Variants in DLGAP2 observed in about 807,000 individuals in gnomAD.
The protein encoded by DLGAP2 is disks large-associated protein 2.
DLGAP2 carries 26 observed loss-of-function variants against 100.3 expected under a neutral mutation model. The ratio of observed to expected loss-of-function variants is 0.26; its 90% CI spans 0.19 to 0.36. The LOEUF (loss-of-function observed/expected upper bound fraction) is 0.36, where lower values mean the gene tolerates loss of function less well. Ranked by LOEUF, DLGAP2 falls within the 10% of genes least tolerant of loss-of-function variation. DLGAP2 has a pLI of 1.00. For missense variants in DLGAP2, 1,858 were observed against 1,453.2 expected (o/e 1.28, Z -4.53); for synonymous variants, 886 against 630.1 (o/e 1.41, Z -6.08).
chr8:1,188,053 C>A (rs35364096), intron 2 of DLGAP2, among the ~76,000 whole-genome samples: 13 of 116,564 alleles, frequency 1.1e-4, no homozygotes, highest in African/African-American at 5.2e-4. Flanking sequence ...CACGGAATCT[C>A]ACACACCCGG....
At chr8:1,108,761 G>A (rs1804859713) in intron 2 of DLGAP2, among the ~76,000 whole-genome samples, 1 of 140,242 alleles carries the variant, frequency 7.1e-6, no homozygotes, top group South Asian at 2.4e-4. Flanking sequence ...GGGTCTGTGA[G>A]GTGTGCACGT....
intron 3 of DLGAP2, among the ~76,000 whole-genome samples, chr8:1,467,752 G>T (rs533740474): frequency 6.6e-6 from 1 of 152,156 alleles, no homozygotes; most frequent in Non-Finnish European, 1.5e-5. Context: ...CAGTAAGGGG[G>T]GCAGAGTGGC....
At chr8:763,044 A>C (rs546485456) in intron 1 of DLGAP2, among the ~76,000 whole-genome samples, 5 of 151,750 alleles carry the variant, frequency 3.3e-5, no homozygotes, top group Admixed American at 1.3e-4. Context: ...ATACTTCACG[A>C]GTTATTCAAA....
At chr8:1,322,321 G>A (rs1210028530) in intron 3 of DLGAP2, among the ~76,000 whole-genome samples, 1 of 152,194 alleles carries the variant, frequency 6.6e-6, no homozygotes, top group Non-Finnish European at 1.5e-5. Flanking sequence ...AACTTAAAAT[G>A]TTCATTCTTT....
At chr8:1,137,737 T>A (rs1182389529) in intron 2 of DLGAP2, 2 of 152,236 alleles carry the variant, frequency 1.3e-5, no homozygotes, top group Non-Finnish European at 2.9e-5. Flanking sequence ...ATATTTTTCA[T>A]TAAAAAAATG....
At chr8:1,645,088 G>A (rs1207231704) in intron 8 of DLGAP2, among the ~76,000 whole-genome samples, 2 of 152,230 alleles carry the variant, frequency 1.3e-5, no homozygotes, top group African/African-American at 2.4e-5. Flanking sequence ...GCAAGACCAT[G>A]TCTCTAATGA....
rs148250502 is a variant in DLGAP2, at chr8:1,004,347, C to T, written c.73+96381C>T. Among the ~76,000 whole-genome samples, 36 of 152,322 alleles carry T rather than the reference C, an allele frequency of 2.4e-4. No individual in the cohort carries two copies. In the East Asian group the frequency reaches 6.6e-3, roughly 28 times the overall value. On this transcript the variant is annotated intron_variant, in intron 2 of 14. Coordinates refer to ENST00000637795, the MANE Select transcript of DLGAP2 (RefSeq NM_001346810.2). ...CCACTTTAATTTTGTCTTTTATCTT[C>T]ATAAATTTGGTAAGCTACAGTGACA...
intron 1 of DLGAP2, chr8:753,750 G>C (rs187853952): frequency 5.9e-5 from 9 of 152,242 alleles, no homozygotes; most frequent in Non-Finnish European, 1.0e-4. Flanking sequence ...ACACACTTGC[G>C]TGTCCTCTAA....
chr8:1,452,170 C>T (rs992532850), intron 3 of DLGAP2, among the ~76,000 whole-genome samples: 6 of 152,256 alleles, frequency 3.9e-5, no homozygotes, highest in African/African-American at 1.4e-4. Context: ...AGGCATAGCC[C>T]CGTGGCTGGA....
chr8:1,574,840 C>G (rs1004367464), intron 6 of DLGAP2, among the ~76,000 whole-genome samples: 15 of 152,206 alleles, frequency 9.9e-5, no homozygotes, highest in Non-Finnish European at 2.1e-4. Context: ...ACAGGCATCT[C>G]ACTCTGCATA....
At chr8:1,123,929 T>A (rs1796106909) in intron 2 of DLGAP2, among the ~76,000 whole-genome samples, 1 of 152,222 alleles carries the variant, frequency 6.6e-6, no homozygotes. Flanking sequence ...ATGGTCTAAT[T>A]GACAGCATGC....
chr8:1,264,489 C>G (rs1799413139), intron 3 of DLGAP2, among the ~76,000 whole-genome samples: 1 of 152,186 alleles, frequency 6.6e-6, no homozygotes, highest in Non-Finnish European at 1.5e-5. Flanking sequence ...GAAATGCACA[C>G]TCCAGGTATG....
chr8:779,710 C>A (rs1209925545), intron 1 of DLGAP2, among the ~76,000 whole-genome samples: 1 of 152,086 alleles, frequency 6.6e-6, no homozygotes, highest in Non-Finnish European at 1.5e-5. Context: ...TGTTAGCCAT[C>A]CAAATCTTTG....
At chr8:1,573,882 C>A (rs577679864) in intron 6 of DLGAP2, among the ~76,000 whole-genome samples, 1 of 152,202 alleles carries the variant, frequency 6.6e-6, no homozygotes, top group South Asian at 2.1e-4. Flanking sequence ...GTGAGCTGAC[C>A]CCTTAGAATC....
chr8:1,491,620 C>T (rs1018529524), intron 3 of DLGAP2, among the ~76,000 whole-genome samples: 14 of 152,162 alleles, frequency 9.2e-5, no homozygotes, highest in African/African-American at 2.9e-4. Context: ...GGGGACCTAA[C>T]GCCGCATGTA....
intron 2 of DLGAP2, among the ~76,000 whole-genome samples, chr8:1,041,792 G>A (rs1302352287): frequency 6.6e-6 from 1 of 151,726 alleles, no homozygotes; most frequent in Non-Finnish European, 1.5e-5. Context: ...TGTGTACTCC[G>A]AGCCCCTTGT....
At chr8:1,678,128 C>T (rs747315282) in intron 11 of DLGAP2, 86 bp from the exon 12 acceptor site, 390 of 1,471,866 alleles carry the variant, frequency 2.6e-4, no homozygotes, top group South Asian at 4.7e-4. Context: ...AGCTCAGGTG[C>T]GCTCCTGACA....
intron 3 of DLGAP2, among the ~76,000 whole-genome samples, chr8:1,390,933 C>G (rs561447354): frequency 6.6e-6 from 1 of 152,330 alleles, no homozygotes; most frequent in East Asian, 1.9e-4. Context: ...CCAAATTAAA[C>G]ACAGTCAGCA....
At chr8:1,221,282 G>T (rs1045012857) in intron 2 of DLGAP2, among the ~76,000 whole-genome samples, 5 of 152,160 alleles carry the variant, frequency 3.3e-5, no homozygotes, top group African/African-American at 1.2e-4. Context: ...CCTCTTCGAA[G>T]GCAGGTCTGG....
Sources: allele counts gnomAD v4.1 joint callset (sites outside exome capture counted in the v4.1 genomes callset), GRCh38; gene constraint gnomAD v4.1.1; transcripts MANE v1.5; gene names NCBI Gene and HGNC (gene_info 2026-07-23, HGNC 2026-07-21).